The following COLEC12 variants were observed in gnomAD, a reference collection of about 807,000 sequenced individuals.
COLEC12 encodes collectin-12.
COLEC12 carries 33 observed loss-of-function variants against 71.1 expected under a neutral mutation model. The observed-to-expected ratio is 0.46, with a 90% CI of 0.35 to 0.62. The LOEUF is 0.62. Ranked by LOEUF, COLEC12 falls within the 20% of genes least tolerant of loss-of-function variation. The pLI is 0.00. For synonymous variants in COLEC12, 350 were observed against 353.0 expected (o/e 0.99, Z 0.10); for missense variants, 765 against 916.1 (o/e 0.84, Z 2.13).
intron 2 of COLEC12, among the ~76,000 whole-genome samples, chr18:405,567 T>C (rs924258599): frequency 2.6e-5 from 4 of 152,096 alleles, no homozygotes; most frequent in African/African-American, 4.8e-5. Context: ...AGAACCTACG[T>C]TGAAATATTG....
chr18:356,608 C>T (rs1914633279), intron 3 of COLEC12, among the ~76,000 whole-genome samples: 1 of 152,256 alleles, frequency 6.6e-6, no homozygotes, highest in African/African-American at 2.4e-5. Flanking sequence ...GACTCCACGT[C>T]TGCCTCTGTT....
At chr18:388,792 T>C (rs999052965) in intron 2 of COLEC12, among the ~76,000 whole-genome samples, 1 of 152,124 alleles carries the variant, frequency 6.6e-6, no homozygotes, top group Non-Finnish European at 1.5e-5. Flanking sequence ...AGAGATGAGG[T>C]TGAAGAAACA....
intron 3 of COLEC12, among the ~76,000 whole-genome samples, chr18:351,653 C>T (rs939748351): frequency 1.3e-4 from 20 of 152,094 alleles, no homozygotes; most frequent in Admixed American, 6.6e-4. Flanking sequence ...CTGCAACCTC[C>T]GCCTCCCAGG....
At position 319,355 on chromosome 18, in the gene COLEC12, TATATATATAC is replaced by T. The variant is rs1372014538; in HGVS notation, c.*680_*689del. On this transcript the variant is annotated 3_prime_UTR_variant, in exon 10 of 10. Transcript: ENST00000400256. ...AAAAAAAAAAAAATATATATATATATATATATATACACATGTATATTTAATTATTTTTTTA... is the reference window on the plus strand; with the variant it reads ...AAAAAAAAAAAAATATATATATATATACATGTATATTTAATTATTTTTTTA... The T allele has an allele frequency of 7.3e-5, 10 of 137,022 alleles. No homozygotes were observed. Among genetic ancestry groups the T allele is most frequent in the South Asian group, 7.2e-4 (3 of 4,166 alleles). 8.5% of individuals were successfully genotyped at this position (137,022 alleles called of 1,614,324 possible). A position where few individuals can be genotyped will look rare whatever the true frequency, so the allele number is the denominator to read the frequency against.
At chr18:380,794 T>C (rs1055833465) in intron 2 of COLEC12, among the ~76,000 whole-genome samples, 13 of 152,154 alleles carry the variant, frequency 8.5e-5, no homozygotes, top group Admixed American at 7.9e-4. Flanking sequence ...AGAGACCTCA[T>C]CTGCACAGGC....
At chr18:451,878 G>C (rs1244185909) in intron 2 of COLEC12, among the ~76,000 whole-genome samples, 1 of 152,176 alleles carries the variant, frequency 6.6e-6, no homozygotes, top group Non-Finnish European at 1.5e-5. Flanking sequence ...GGAAATCAAG[G>C]TGCCTACAGA....
In COLEC12 at chr18:327,217, C is replaced by G. The variant is rs1205681141; in HGVS notation, c.2063+4451G>C. ...GTGTGAATGTAAGATGGCCAGCCAT[C>G]TCTTCTTGGAAATAATTATAGGTTT... On this transcript the variant is annotated intron_variant, in intron 8 of 9. Transcript: ENST00000400256. The surrounding 1 kb of genome is among the most constrained non-coding windows in gnomAD (Gnocchi z 4.0). 1.3e-5 allele frequency among the ~76,000 whole-genome samples: 2 copies of G among 152,120 alleles called. No individual in the cohort carries two copies. The highest frequency in any genetic ancestry group is 2.9e-5 in the Non-Finnish European group (2 of 68,028).
intron 1 of COLEC12, among the ~76,000 whole-genome samples, chr18:491,820 G>T (rs968318425): frequency 9.9e-5 from 15 of 152,152 alleles, no homozygotes; most frequent in Non-Finnish European, 2.1e-4. Flanking sequence ...CTGAAGAAAG[G>T]TGTCCTTTTA....
chr18:355,458 T>A (rs1420703876), intron 3 of COLEC12, among the ~76,000 whole-genome samples: 2 of 151,348 alleles, frequency 1.3e-5, no homozygotes, highest in Non-Finnish European at 2.9e-5. Flanking sequence ...TTTCCATGGA[T>A]AAAAAGGGAG....
chr18:481,490 A>C (rs1438517624), intron 1 of COLEC12, among the ~76,000 whole-genome samples: 1 of 152,192 alleles, frequency 6.6e-6, no homozygotes, highest in East Asian at 1.9e-4. Flanking sequence ...AGATCACCTG[A>C]GGTCAGGAGT....
intron 3 of COLEC12, 145 bp downstream of exon 3, chr18:357,255 T>C (rs1162936564): frequency 5.6e-6 from 4 of 713,004 alleles, no homozygotes; most frequent in Admixed American, 3.4e-5. Flanking sequence ...AAGTTTAAGA[T>C]ACAGAGATGA....
intron 8 of COLEC12, among the ~76,000 whole-genome samples, chr18:329,905 C>A (rs1036592914): frequency 6.6e-6 from 1 of 152,088 alleles, no homozygotes; most frequent in South Asian, 2.1e-4. Context: ...TAGTGGACCA[C>A]GTCTATCCAA....
chr18:337,034 T>A (rs1197541491), intron 5 of COLEC12, among the ~76,000 whole-genome samples: 5 of 150,404 alleles, frequency 3.3e-5, no homozygotes, highest in African/African-American at 7.4e-5. Flanking sequence ...TTTTTTTTTT[T>A]AATTTTTAAT....
At chr18:435,821 A>G (rs72863584) in intron 2 of COLEC12, among the ~76,000 whole-genome samples, 2,526 of 152,330 alleles carry the variant, frequency 0.017, 31 homozygotes, top group Non-Finnish European at 0.02. Context: ...TAGAAAGATA[A>G]TAACTATTAT....
At chr18:430,593 C>G (rs1463638081) in intron 2 of COLEC12, among the ~76,000 whole-genome samples, 2 of 152,116 alleles carry the variant, frequency 1.3e-5, no homozygotes, top group African/African-American at 4.8e-5. Context: ...TATAAATGGG[C>G]TAAGCTAAAT....
At chr18:477,114 C>A (rs1003296886) in intron 2 of COLEC12, among the ~76,000 whole-genome samples, 2 of 152,168 alleles carry the variant, frequency 1.3e-5, no homozygotes, top group Non-Finnish European at 2.9e-5. Context: ...GACTAAAATG[C>A]AATAATGAAT....
intron 2 of COLEC12, among the ~76,000 whole-genome samples, chr18:387,782 C>A (rs772813385): frequency 6.6e-6 from 1 of 152,072 alleles, no homozygotes; most frequent in Non-Finnish European, 1.5e-5. Context: ...CACTGTATAA[C>A]CCAGTGTGTA....
At position 317,207 on chromosome 18, in the gene COLEC12, C is replaced by G. The variant is rs183397340; in HGVS notation, c.*2838G>C. ...CGCCACCGCACTCCAGCCTGGGTGA[C>G]AGAGCGAGACTCTGTCTTAAAAACA... On this transcript the variant is annotated 3_prime_UTR_variant, in exon 10 of 10. Coordinates refer to ENST00000400256, the MANE Select transcript of COLEC12 (RefSeq NM_130386.3). 1 of 152,336 alleles carries G rather than the reference C, an allele frequency of 6.6e-6. No individual in the cohort carries two copies. The highest frequency in any genetic ancestry group is 1.9e-4 in the East Asian group (1 of 5,178). 9.4% of individuals were successfully genotyped at this position (152,336 alleles called of 1,614,324 possible).
In COLEC12 at chr18:319,958, A is replaced by G; in HGVS notation, c.*87T>C. The G allele has an allele frequency of 1.2e-6, 1 of 806,950 alleles. No individual in the cohort carries two copies. Among genetic ancestry groups the G allele is most frequent in the Non-Finnish European group, 2.0e-6 (1 of 488,478 alleles). 50.0% of individuals were successfully genotyped at this position (806,950 alleles called of 1,614,324 possible). ...GGTTTTCAGTGCTTTTTTTTTTTCAATCTGATGAGAAGGTGATGCAATTAG... is the reference window on the plus strand; with the variant it reads ...GGTTTTCAGTGCTTTTTTTTTTTCAGTCTGATGAGAAGGTGATGCAATTAG... On this transcript the variant is annotated 3_prime_UTR_variant, in exon 10 of 10. Transcript: ENST00000400256.
Sources: gnomAD v4.1 joint callset for allele counts (sites outside exome capture counted in the v4.1 genomes callset) on GRCh38, gnomAD v4.1.1 for gene constraint, Gnocchi (gnomAD v3.1) non-coding constraint, MANE v1.5 for transcripts, NCBI Gene and HGNC (gene_info 2026-07-23, HGNC 2026-07-21) for gene names.